FHIP1A: variants seen among roughly 807,000 people sequenced by gnomAD.
The protein encoded by FHIP1A is FHF complex subunit HOOK-interacting protein 1A.
A neutral mutation model predicts 88.6 loss-of-function variants in FHIP1A; 61 were observed. That is an observed-to-expected ratio of 0.69 (90% CI 0.56 to 0.85). The LOEUF is 0.85. Among genes scored for constraint, FHIP1A ranks in the 40% least tolerant of loss-of-function variants. The probability of loss-of-function intolerance (pLI) is 0.00; values close to 1 mark genes in which losing one functional copy is unlikely to be tolerated. For missense variants in FHIP1A, 1,154 were observed against 1,273.5 expected (o/e 0.91, Z 1.43); for synonymous variants, 478 against 496.0 (o/e 0.96, Z 0.48).
At chr4:151,468,569 G>C (rs1729406884) in intron 2 of FHIP1A, among the ~76,000 whole-genome samples, 1 of 152,100 alleles carries the variant, frequency 6.6e-6, no homozygotes. Flanking sequence ...GGCAACTTTA[G>C]CTTCAAAACT....
intron 3 of FHIP1A, among the ~76,000 whole-genome samples, chr4:151,562,381 A>G (rs1733206890): frequency 6.6e-6 from 1 of 152,084 alleles, no homozygotes; most frequent in Non-Finnish European, 1.5e-5. Context: ...CCTCCCTTTT[A>G]TCTCTAGCAC....
rs1348789369 is a variant in FHIP1A, at chr4:151,649,544, G to A, written c.1503G>A (p.Leu501=). The A allele has an allele frequency of 1.9e-6, 3 of 1,551,716 alleles. No homozygotes were observed. Among genetic ancestry groups the A allele is most frequent in the Non-Finnish European group, 2.6e-6 (3 of 1,146,990 alleles). ...EYGKALDISY[L]QYLWEAHTNI... is the part of the protein sequence containing the mutation. ...GGAAAGCCCTGGACATCAGCTACCT[G>A]CAGTACCTGTGGGAGGCCCACACCA... Residue 501 remains leucine (L), a synonymous_variant, in exon 11 of 14, where the codon CTG becomes CTA. Transcript: ENST00000435205.
chr4:151,437,203 A>C (rs993255701), intron 1 of FHIP1A, among the ~76,000 whole-genome samples: 5 of 152,106 alleles, frequency 3.3e-5, no homozygotes, highest in African/African-American at 1.2e-4. Context: ...ATTGAGTATT[A>C]GTAAGCCATT....
intron 3 of FHIP1A, among the ~76,000 whole-genome samples, chr4:151,512,806 A>C (rs1364379536): frequency 6.6e-6 from 1 of 152,232 alleles, no homozygotes; most frequent in Non-Finnish European, 1.5e-5. Context: ...ACTATGTGAA[A>C]AGACCAAGTC....
intron 3 of FHIP1A, among the ~76,000 whole-genome samples, chr4:151,554,854 A>G (rs751654550): frequency 1.3e-5 from 2 of 152,184 alleles, no homozygotes; most frequent in Non-Finnish European, 2.9e-5. Context: ...CTGAATATAT[A>G]TGATAATTTC....
At chr4:151,598,598 C>T (rs1327083857) in intron 7 of FHIP1A, among the ~76,000 whole-genome samples, 1 of 152,152 alleles carries the variant, frequency 6.6e-6, no homozygotes, top group Admixed American at 6.5e-5. Flanking sequence ...ATTTTAGTTA[C>T]CTGCCATCAG....
In FHIP1A at chr4:151,668,143, C is replaced by A. The variant is rs1737730707; in HGVS notation, c.*5389C>A. Among the ~76,000 whole-genome samples, 1 of 152,166 alleles carries A rather than the reference C, an allele frequency of 6.6e-6. No individual in the cohort carries two copies. The highest frequency in any genetic ancestry group is 1.5e-5 in the Non-Finnish European group (1 of 68,040). On this transcript the variant is annotated 3_prime_UTR_variant, in exon 14 of 14. Transcript: ENST00000435205. Reference sequence around the variant, plus strand: ...TTCCCACCTCACAAGCAAGGGTCAGCTCTATTTGCAAATAATCCATGAATA... The same window carrying A: ...TTCCCACCTCACAAGCAAGGGTCAGATCTATTTGCAAATAATCCATGAATA...
At chr4:151,504,609 CATGTTATGTT>C (rs1299912191) in intron 3 of FHIP1A, among the ~76,000 whole-genome samples, 1 of 56,456 alleles carries the variant, frequency 1.8e-5, no homozygotes, top group East Asian at 4.2e-4. Context: ...TATGTTATGT[CATGTTATGTT>C]ATGTCATGTT....
chr4:151,428,359 G>A (rs1580552666), intron 1 of FHIP1A, among the ~76,000 whole-genome samples: 1 of 152,028 alleles, frequency 6.6e-6, no homozygotes, highest in East Asian at 1.9e-4. Context: ...GAACTCTTTG[G>A]CAAAACCAAA....
chr4:151,562,741 G>A (rs1429828295), intron 3 of FHIP1A, among the ~76,000 whole-genome samples: 1 of 152,170 alleles, frequency 6.6e-6, no homozygotes, highest in Non-Finnish European at 1.5e-5. Flanking sequence ...TATAGTTATT[G>A]AAAGTTCAGG....
At chr4:151,652,796 C>T (rs1290912416) in intron 11 of FHIP1A, among the ~76,000 whole-genome samples, 3 of 152,182 alleles carry the variant, frequency 2.0e-5, no homozygotes, top group African/African-American at 7.2e-5. Flanking sequence ...GCCTGCCAGC[C>T]TGTGGGGTAT....
chr4:151,503,563 C>T (rs970609933), intron 3 of FHIP1A, among the ~76,000 whole-genome samples: 4 of 150,454 alleles, frequency 2.7e-5, no homozygotes, highest in Admixed American at 6.6e-5. Flanking sequence ...TTCTAAAGAG[C>T]CAAGTAGAAA....
intron 8 of FHIP1A, among the ~76,000 whole-genome samples, chr4:151,630,201 C>A (rs1388834814): frequency 1.3e-5 from 2 of 152,076 alleles, no homozygotes; most frequent in Admixed American, 6.5e-5. Context: ...AACATGTGGG[C>A]TTAAGCACAG....
chr4:151,517,315 G>C lies in FHIP1A; in HGVS notation c.-123+34667G>C, dbSNP rs533830571. 3.3e-5 allele frequency among the ~76,000 whole-genome samples: 5 copies of C among 152,108 alleles called. 1 individual carries two copies. Among genetic ancestry groups the C allele is most frequent in the Middle Eastern group, 6.8e-3 (2 of 292 alleles). ...GGGGACTGTTGTGGGGTTGGGGGAG[G>C]GGGGAGGCATAGCTTTAGGAGATAT... On this transcript the variant is annotated intron_variant, in intron 3 of 13. Coordinates refer to ENST00000435205, the MANE Select transcript of FHIP1A (RefSeq NM_001109977.3).
intron 2 of FHIP1A, among the ~76,000 whole-genome samples, chr4:151,473,348 T>A (rs1399673619): frequency 3.3e-5 from 5 of 152,134 alleles, no homozygotes; most frequent in Admixed American, 3.3e-4. Flanking sequence ...ACTCTAGCTT[T>A]ATTAATAGTT....
chr4:151,522,385 C>T (rs1352628678), intron 3 of FHIP1A, among the ~76,000 whole-genome samples: 1 of 152,216 alleles, frequency 6.6e-6, no homozygotes, highest in East Asian at 1.9e-4. Context: ...GAGTCCTGGA[C>T]TGAACTCAAT....
At chr4:151,504,594 T>TATGTC (rs1448326319) in intron 3 of FHIP1A, among the ~76,000 whole-genome samples, 1 of 140,208 alleles carries the variant, frequency 7.1e-6, no homozygotes, top group Non-Finnish European at 1.6e-5. Context: ...TATGTTATGT[T>TATGTC]ATGTTATGTT....
At chr4:151,601,263 A>G (rs1162516901) in intron 7 of FHIP1A, among the ~76,000 whole-genome samples, 1 of 152,124 alleles carries the variant, frequency 6.6e-6, no homozygotes, top group East Asian at 1.9e-4. Context: ...GAAGGGAACC[A>G]TGGGAAAAAG....
chr4:151,523,341 T>A (rs1731513167), intron 3 of FHIP1A, among the ~76,000 whole-genome samples: 1 of 152,260 alleles, frequency 6.6e-6, no homozygotes, highest in Non-Finnish European at 1.5e-5. Context: ...ATTTGTTTAC[T>A]TGCTGACACA....
Sources: gnomAD v4.1 joint callset for allele counts (sites outside exome capture counted in the v4.1 genomes callset) on GRCh38, gnomAD v4.1.1 for gene constraint, MANE v1.5 for transcripts, NCBI Gene and HGNC (gene_info 2026-07-23, HGNC 2026-07-21) for gene names.